The following SP8 variants were observed in gnomAD, a reference collection of about 807,000 sequenced individuals.
The protein encoded by SP8 is transcription factor Sp8.
In SP8, 7 loss-of-function variants were observed where a neutral mutation model predicts 15.3. The ratio of observed to expected loss-of-function variants is 0.46; its 90% CI spans 0.26 to 0.86. The LOEUF (loss-of-function observed/expected upper bound fraction) is 0.86. SP8 is among the 40% of genes least tolerant of loss of function. The pLI is 0.16. For missense variants in SP8, 731 were observed against 736.4 expected (o/e 0.99, Z 0.09); for synonymous variants, 415 against 356.3 (o/e 1.16, Z -1.86).
In SP8 at chr7:20,786,859, T is replaced by C; in HGVS notation, c.-61A>G. 2.1e-6 allele frequency: 3 copies of C among 1,407,706 alleles called. No individual in the cohort carries two copies. Among genetic ancestry groups the C allele is most frequent in the Non-Finnish European group, 2.0e-6 (2 of 991,432 alleles). 87.2% of individuals were successfully genotyped at this position (1,407,706 alleles called of 1,614,324 possible). A position where few individuals can be genotyped will look rare whatever the true frequency, so the allele number is the denominator to read the frequency against. ...TTTTATATTGATAAATCAGAGGCAG[T>C]GTTTTTTTTAGAGGTGTGCAATACA... On this transcript the variant is annotated 5_prime_UTR_variant, in exon 1 of 2. Transcript: ENST00000418710. This position sits in a 1 kb window ranked among gnomAD's most constrained non-coding sequence, Gnocchi z 4.4.
At position 20,784,874 on chromosome 7, in the gene SP8, A is replaced by C; in HGVS notation, c.943T>G (p.Ser315Ala). 1 of 1,526,800 alleles carries C rather than the reference A, an allele frequency of 6.5e-7. No homozygotes were observed. The highest frequency in any genetic ancestry group is 8.7e-7 in the Non-Finnish European group (1 of 1,143,346). The allele number at this position is 1,526,800 out of a possible 1,614,324, so 94.6% of individuals were successfully genotyped here. Residue 315 changes from serine to alanine, a missense_variant, in exon 2 of 2, where the codon TCG becomes GCG. This residue lies in a region of SP8 where 586 missense variants were observed against 524.9 expected (regional missense o/e 1.12). Transcript: ENST00000418710. ...LPGSYPDSAP[S>A]PLAGAGGSML... is the part of the protein sequence containing the mutation. ...GAGCCCCCCGCGCCGGCCAGCGGCG[A>C]CGGGGCCGAGTCCGGGTAGGAGCCG... is the stretch of plus-strand genomic sequence containing the variant.
chr7:20,784,110 G>A lies in SP8; in HGVS notation c.*180C>T. On this transcript the variant is annotated 3_prime_UTR_variant, in exon 2 of 2. Transcript: ENST00000418710. ...GGACAGCGATGCGTGTTACTTACTT[G>A]TCCATATCCCCTTTACAAAGTTAAG... The A allele has an allele frequency of 1.8e-6, 1 of 567,200 alleles. No homozygotes were observed. The highest frequency in any genetic ancestry group is 2.8e-6 in the Non-Finnish European group (1 of 354,666). The allele number at this position is 567,200 out of a possible 1,614,324, so 35.1% of individuals were successfully genotyped here. A position where few individuals can be genotyped will look rare whatever the true frequency, so the allele number is the denominator to read the frequency against.
rs1343595374 is a variant in SP8 at position 20,785,136 on chromosome 7, G to A, written c.681C>T (p.Ser227=). Reference sequence around the variant, plus strand: ...TCCAGCCGGCCCCCACGTCCCACCAGCTGGAGGCGCCGGCCGAGCCCACCT... The same window carrying A: ...TCCAGCCGGCCCCCACGTCCCACCAACTGGAGGCGCCGGCCGAGCCCACCT... ...AGEVGSAGAS[S]WWDVGAGWID... The change falls in exon 2 of 2, where the codon AGC becomes AGT. Residue 227 remains serine, a synonymous_variant. Coordinates refer to ENST00000418710, the MANE Select transcript of SP8 (RefSeq NM_182700.6). The surrounding 1 kb of genome is among the most constrained non-coding windows in gnomAD (Gnocchi z 7.2). 1.9e-6 allele frequency: 3 copies of A among 1,591,544 alleles called. No homozygotes were observed. Among genetic ancestry groups the A allele is most frequent in the Non-Finnish European group, 2.6e-6 (3 of 1,171,838 alleles).
chr7:20,786,068 C>G lies in SP8; in HGVS notation c.22-273G>C. 2.3e-6 allele frequency: 3 copies of G among 1,318,506 alleles called. No individual in the cohort carries two copies. The highest frequency in any genetic ancestry group is 2.9e-6 in the Non-Finnish European group (3 of 1,026,792). The allele number at this position is 1,318,506 out of a possible 1,614,324, so 81.7% of individuals were successfully genotyped here. ...GCTAAAGAAGAGTTTGACAAGTATT[C>G]TCACCTAAAACAACACTCTCTTGCA... On this transcript the variant is annotated intron_variant, in intron 1 of 1. Coordinates refer to ENST00000418710, the MANE Select transcript of SP8 (RefSeq NM_182700.6). The surrounding 1 kb of genome is among the most constrained non-coding windows in gnomAD (Gnocchi z 4.4).
chr7:20,786,786 G>T lies in SP8; in HGVS notation c.13C>A (p.Leu5Ile), dbSNP rs766841032. The change falls in exon 1 of 2, where the codon CTT becomes ATT. Residue 5 changes from leucine to isoleucine, a missense_variant. By Grantham distance (5) the Leu-to-Ile change is conservative. Coordinates refer to ENST00000418710, the MANE Select transcript of SP8 (RefSeq NM_182700.6). The surrounding 1 kb of genome is among the most constrained non-coding windows in gnomAD (Gnocchi z 4.4). ...AAAATCCTGAGACTCACCCCTAGAA[G>T]TGAAGTTGCCATCACACAAAAGTGC... is the stretch of plus-strand genomic sequence containing the variant. MATS[L>I]LGEEPRLGST... is the part of the protein sequence containing the mutation. 1.9e-6 allele frequency: 3 copies of T among 1,613,594 alleles called. No homozygotes were observed. Among genetic ancestry groups the T allele is most frequent in the Non-Finnish European group, 2.5e-6 (3 of 1,179,490 alleles).
Position 20,785,958 on chromosome 7 carries a change from C to G in SP8, c.22-163G>C. The G allele has an allele frequency of 6.9e-7, 1 of 1,453,754 alleles. No individual in the cohort carries two copies. The highest frequency in any genetic ancestry group is 9.1e-7 in the Non-Finnish European group (1 of 1,103,534). 90.1% of individuals were successfully genotyped at this position (1,453,754 alleles called of 1,614,324 possible). On this transcript the variant is annotated intron_variant, in intron 1 of 1. Coordinates refer to ENST00000418710, the MANE Select transcript of SP8 (RefSeq NM_182700.6). The surrounding 1 kb of genome is among the most constrained non-coding windows in gnomAD (Gnocchi z 7.2). ...CCGCCACCAACTCACCTGGCACCCCCAACAGCCCCGGCGCCCGGCCGCTTC... is the reference window on the plus strand; with the variant it reads ...CCGCCACCAACTCACCTGGCACCCCGAACAGCCCCGGCGCCCGGCCGCTTC...
In SP8 at chr7:20,785,247, C is replaced by T. The variant is rs756317907; in HGVS notation, c.570G>A (p.Leu190=). 6.3e-7 allele frequency: 1 copy of T among 1,597,042 alleles called. No individual in the cohort carries two copies. Among genetic ancestry groups the T allele is most frequent in the South Asian group, 1.1e-5 (1 of 88,946 alleles). The part of the protein sequence containing the change: ...ISKVHTSVDG[L]QGIYPRVGMA... ...TGCCCACCCGCGGGTAGATGCCCTGCAGCCCGTCCACAGAGGTGTGCACCT... is the reference window on the plus strand; with the variant it reads ...TGCCCACCCGCGGGTAGATGCCCTGTAGCCCGTCCACAGAGGTGTGCACCT... Residue 190 remains leucine (L), a synonymous_variant, in exon 2 of 2, where the codon CTG becomes CTA. Coordinates refer to ENST00000418710, the MANE Select transcript of SP8 (RefSeq NM_182700.6). The surrounding 1 kb of genome is among the most constrained non-coding windows in gnomAD (Gnocchi z 7.2).
Position 20,784,122 on chromosome 7 carries a change from T to C in SP8, c.*168A>G, listed in dbSNP as rs945315875. On this transcript the variant is annotated 3_prime_UTR_variant, in exon 2 of 2. Transcript: ENST00000418710. ...GTGTTACTTACTTGTCCATATCCCCTTTACAAAGTTAAGTCACAGAAGGAA... is the reference window on the plus strand; with the variant it reads ...GTGTTACTTACTTGTCCATATCCCCCTTACAAAGTTAAGTCACAGAAGGAA... 86 of 630,186 alleles carry C rather than the reference T, an allele frequency of 1.4e-4. No homozygotes were observed. Among genetic ancestry groups the C allele is most frequent in the Admixed American group, 1.2e-3 (28 of 24,158 alleles). 39.0% of individuals were successfully genotyped at this position (630,186 alleles called of 1,614,324 possible).
In SP8 at chr7:20,785,799, C is replaced by A. The variant is rs986091250; in HGVS notation, c.22-4G>T. 2 of 1,509,036 alleles carry A rather than the reference C, an allele frequency of 1.3e-6. No homozygotes were observed. The highest frequency in any genetic ancestry group is 2.9e-5 in the African/African-American group (2 of 69,838). 93.5% of individuals were successfully genotyped at this position (1,509,036 alleles called of 1,614,324 possible). A position where few individuals can be genotyped will look rare whatever the true frequency, so the allele number is the denominator to read the frequency against. Reference sequence around the variant, plus strand: ...TCGATCCCAACCTCGGTTCTTCCTGCGAGGAGGAGAGGAGAAGGAGTGGGG... The same window carrying A: ...TCGATCCCAACCTCGGTTCTTCCTGAGAGGAGGAGAGGAGAAGGAGTGGGG... On this transcript the variant is annotated splice_polypyrimidine_tract_variant and splice_region_variant and intron_variant, in intron 1 of 1. Coordinates refer to ENST00000418710, the MANE Select transcript of SP8 (RefSeq NM_182700.6). The surrounding 1 kb of genome is among the most constrained non-coding windows in gnomAD (Gnocchi z 7.2).
rs754192787 is a variant in SP8 at position 20,784,557 on chromosome 7, C to T, written c.1260G>A (p.Glu420=). The T allele has an allele frequency of 2.0e-5, 32 of 1,596,542 alleles. No homozygotes were observed. The South Asian group carries it at 3.5e-4, about 17-fold the overall frequency. ...FCGKRFTRSD[E]LQRHLRTHTG... ...TGTGGGTCCGCAGGTGCCGCTGCAG[C>T]TCGTCGGAGCGCGTGAAGCGCTTGC... The change falls in exon 2 of 2, where the codon GAG becomes GAA. Residue 420 remains glutamate, a synonymous_variant. Transcript: ENST00000418710.
Position 20,784,090 on chromosome 7 carries a change from G to C in SP8, c.*200C>G, listed in dbSNP as rs932338875. On this transcript the variant is annotated 3_prime_UTR_variant, in exon 2 of 2. Transcript: ENST00000418710. Reference sequence around the variant, plus strand: ...AAAGGGAAAGCCAGGGCCCGGGACAGCGATGCGTGTTACTTACTTGTCCAT... The same window carrying C: ...AAAGGGAAAGCCAGGGCCCGGGACACCGATGCGTGTTACTTACTTGTCCAT... 5.9e-6 allele frequency: 3 copies of C among 506,094 alleles called. No individual in the cohort carries two copies. The African/African-American group carries it at 6.0e-5, about 10-fold the overall frequency. 31.4% of individuals were successfully genotyped at this position (506,094 alleles called of 1,614,324 possible).
At position 20,786,735 on chromosome 7, in the gene SP8, A is replaced by C; in HGVS notation, c.21+43T>G. On this transcript the variant is annotated intron_variant, in intron 1 of 1. Transcript: ENST00000418710. The surrounding 1 kb of genome is among the most constrained non-coding windows in gnomAD (Gnocchi z 4.4). ...TTTAACCCCCTCCAATCGGCAATAA[A>C]AGGAAACTAATTAAACCAGCAAGAG... 1 of 1,603,016 alleles carries C rather than the reference A, an allele frequency of 6.2e-7. No individual in the cohort carries two copies. Among genetic ancestry groups the C allele is most frequent in the Non-Finnish European group, 8.5e-7 (1 of 1,169,938 alleles).
chr7:20,783,117 G>C lies in SP8; in HGVS notation c.*1173C>G, dbSNP rs1783542736. 1 of 152,490 alleles carries C rather than the reference G, an allele frequency of 6.6e-6. No homozygotes were observed. Among genetic ancestry groups the C allele is most frequent in the South Asian group, 2.1e-4 (1 of 4,832 alleles). 9.4% of individuals were successfully genotyped at this position (152,490 alleles called of 1,614,324 possible). A position where few individuals can be genotyped will look rare whatever the true frequency, so the allele number is the denominator to read the frequency against. The stretch of plus-strand genomic sequence containing the variant: ...GAAATAAACGATAGCTTCTTCACTT[G>C]TTTGTAAGTTTAAATCACACACAAA... On this transcript the variant is annotated 3_prime_UTR_variant, in exon 2 of 2. Coordinates refer to ENST00000418710, the MANE Select transcript of SP8 (RefSeq NM_182700.6).
Position 20,786,650 on chromosome 7 carries a change from A to T in SP8, c.21+128T>A. The T allele has an allele frequency of 1.3e-6, 1 of 786,208 alleles. No individual in the cohort carries two copies. The highest frequency in any genetic ancestry group is 2.5e-5 in the East Asian group (1 of 40,730). The allele number at this position is 786,208 out of a possible 1,614,324, so 48.7% of individuals were successfully genotyped here. A position where few individuals can be genotyped will look rare whatever the true frequency, so the allele number is the denominator to read the frequency against. ...TTTCTCCAAACTCACTTGTATTTAA[A>T]GAAAAAAAAAAAAAGCTCTCAATAG... On this transcript the variant is annotated intron_variant, in intron 1 of 1. Transcript: ENST00000418710. The surrounding 1 kb of genome is among the most constrained non-coding windows in gnomAD (Gnocchi z 4.4).
chr7:20,785,973 C>T lies in SP8; in HGVS notation c.22-178G>A. 1.4e-6 allele frequency: 2 copies of T among 1,445,998 alleles called. No homozygotes were observed. The highest frequency in any genetic ancestry group is 1.8e-6 in the Non-Finnish European group (2 of 1,101,760). 89.6% of individuals were successfully genotyped at this position (1,445,998 alleles called of 1,614,324 possible). On this transcript the variant is annotated intron_variant, in intron 1 of 1. Coordinates refer to ENST00000418710, the MANE Select transcript of SP8 (RefSeq NM_182700.6). The surrounding 1 kb of genome is among the most constrained non-coding windows in gnomAD (Gnocchi z 7.2). ...CTGGCACCCCCAACAGCCCCGGCGC[C>T]CGGCCGCTTCCTACTCTACAGGAGG...
rs1444026526 is a variant in SP8, at chr7:20,784,422, C to A, written c.1395G>T (p.Ser465=). 3 of 1,532,300 alleles carry A rather than the reference C, an allele frequency of 2.0e-6. No individual in the cohort carries two copies. The highest frequency in any genetic ancestry group is 2.6e-6 in the Non-Finnish European group (3 of 1,143,416). 94.9% of individuals were successfully genotyped at this position (1,532,300 alleles called of 1,614,324 possible). Residue 465 remains serine (S), a synonymous_variant, in exon 2 of 2, where the codon TCG becomes TCT. Coordinates refer to ENST00000418710, the MANE Select transcript of SP8 (RefSeq NM_182700.6). ...THSGGGGGGG[S]AGSGSGGKKG... ...TCTTGCCGCCGCTGCCCGAGCCCGC[C>A]GAGCCGCCGCCGCCGCCGCCGCCAC...
chr7:20,785,677 C>A lies in SP8; in HGVS notation c.140G>T (p.Gly47Val), dbSNP rs1478981905. 1.9e-6 allele frequency: 3 copies of A among 1,613,812 alleles called. No homozygotes were observed. Among genetic ancestry groups the A allele is most frequent in the Non-Finnish European group, 2.5e-6 (3 of 1,180,002 alleles). Reference sequence around the variant, plus strand: ...CGAGGAGCGTTTCCAGGGGTGGAAGCCTTTGCCGAAGGAAGAAGAGCTGTC... The same window carrying A: ...CGAGGAGCGTTTCCAGGGGTGGAAGACTTTGCCGAAGGAAGAAGAGCTGTC... Reference protein sequence around the residue: ...LSDSSSSFGKGFHPWKRSSSS... With the variant: ...LSDSSSSFGKVFHPWKRSSSS... The change falls in exon 2 of 2, where the codon GGC (glycine) becomes GTC (valine). Residue 47 changes from glycine (G) to valine (V), a missense_variant. This residue lies in a region of SP8 where 586 missense variants were observed against 524.9 expected (regional missense o/e 1.12). Transcript: ENST00000418710. This position sits in a 1 kb window ranked among gnomAD's most constrained non-coding sequence, Gnocchi z 7.2.
rs1489862664 is a variant in SP8, at chr7:20,784,860, G to A, written c.957C>T (p.Gly319=). ...YPDSAPSPLA[G]AGGSMLSAGP... is the part of the protein sequence containing the mutation. ...CAGCGCTCAACATGGAGCCCCCCGC[G>A]CCGGCCAGCGGCGACGGGGCCGAGT... The change falls in exon 2 of 2, where the codon GGC becomes GGT. Residue 319 remains glycine (G), a synonymous_variant. Transcript: ENST00000418710. 2 of 1,525,480 alleles carry A rather than the reference G, an allele frequency of 1.3e-6. No individual in the cohort carries two copies. The highest frequency in any genetic ancestry group is 1.8e-6 in the Non-Finnish European group (2 of 1,142,790). The allele number at this position is 1,525,480 out of a possible 1,614,324, so 94.5% of individuals were successfully genotyped here.
Position 20,784,867 on chromosome 7 carries a change from A to G in SP8, c.950T>C (p.Leu317Pro), listed in dbSNP as rs1783612180. 8 of 1,526,192 alleles carry G rather than the reference A, an allele frequency of 5.2e-6. No individual in the cohort carries two copies. The highest frequency in any genetic ancestry group is 1.4e-5 in the African/African-American group (1 of 71,026). The allele number at this position is 1,526,192 out of a possible 1,614,324, so 94.5% of individuals were successfully genotyped here. Residue 317 changes from leucine to proline, a missense_variant, in exon 2 of 2, where the codon CTG becomes CCG. By Grantham distance (98) the Leu-to-Pro change is moderately conservative (BLOSUM62 -3). This residue lies in a region of SP8 where 586 missense variants were observed against 524.9 expected (regional missense o/e 1.12). Transcript: ENST00000418710. ...GSYPDSAPSP[L>P]AGAGGSMLSA... ...CAACATGGAGCCCCCCGCGCCGGCC[A>G]GCGGCGACGGGGCCGAGTCCGGGTA... is the stretch of plus-strand genomic sequence containing the variant.
Sources: allele counts gnomAD v4.1 joint callset, GRCh38; gene constraint gnomAD v4.1.1; regional missense constraint gnomAD v4.1.1; non-coding constraint Gnocchi (gnomAD v3.1); transcripts MANE v1.5; gene names NCBI Gene and HGNC (gene_info 2026-07-23, HGNC 2026-07-21).